The following NELL1 variants were observed in gnomAD, a reference collection of about 807,000 sequenced individuals.
NELL1 encodes the protein protein kinase C-binding protein NELL1.
In NELL1, 76 loss-of-function variants were observed where a neutral mutation model predicts 107.4. That is an observed-to-expected ratio of 0.71 (90% CI 0.59 to 0.86). NELL1 has a LOEUF of 0.86. NELL1 is among the 40% of genes least tolerant of loss of function. The pLI, the probability that NELL1 is intolerant of heterozygous loss-of-function variation, is 0.00. For synonymous variants in NELL1, 353 were observed against 341.2 expected (o/e 1.03, Z -0.38); for missense variants, 1,024 against 1,005.5 (o/e 1.02, Z -0.25).
chr11:20,714,682 C>T (rs1280644885), intron 2 of NELL1, among the ~76,000 whole-genome samples: 1 of 151,982 alleles, frequency 6.6e-6, no homozygotes, highest in Non-Finnish European at 1.5e-5. Context: ...GCCACCACAC[C>T]TGGCTAATGA....
At chr11:20,904,205 T>TAATA (rs952572318) in intron 5 of NELL1, among the ~76,000 whole-genome samples, 1 of 149,802 alleles carries the variant, frequency 6.7e-6, no homozygotes, top group Admixed American at 6.6e-5. Flanking sequence ...ACTTAAAGTA[T>TAATA]AATAAATAAA....
At chr11:21,429,593 A>AT (rs1194624570) in intron 15 of NELL1, among the ~76,000 whole-genome samples, 1 of 152,232 alleles carries the variant, frequency 6.6e-6, no homozygotes, top group African/African-American at 2.4e-5. Flanking sequence ...TTCCAAACCC[A>AT]CACATTCTGA....
intron 12 of NELL1, among the ~76,000 whole-genome samples, chr11:20,991,882 A>G (rs1183582557): frequency 6.6e-6 from 1 of 151,752 alleles, no homozygotes; most frequent in East Asian, 1.9e-4. Context: ...GCATTCTCCC[A>G]GAAGTGTTGT....
intron 14 of NELL1, among the ~76,000 whole-genome samples, chr11:21,311,294 C>T (rs368496000): frequency 4.9e-4 from 75 of 151,994 alleles, no homozygotes; most frequent in African/African-American, 1.5e-3. Flanking sequence ...GTCTTTAAGG[C>T]GATTATTTTG....
At chr11:21,345,496 T>C (rs1456783377) in intron 14 of NELL1, among the ~76,000 whole-genome samples, 2 of 152,208 alleles carry the variant, frequency 1.3e-5, no homozygotes, top group African/African-American at 4.8e-5. Flanking sequence ...CTCCATTTCA[T>C]GAGTGTCAAG....
intron 3 of NELL1, among the ~76,000 whole-genome samples, chr11:20,835,686 T>G (rs1211281010): frequency 6.6e-6 from 1 of 152,234 alleles, no homozygotes; most frequent in African/African-American, 2.4e-5. Context: ...AAACGTTCTT[T>G]TCTTCCTAAA....
In NELL1 at chr11:21,494,674, G is replaced by T. The variant is rs114496742; in HGVS notation, c.1646-39700G>T. On this transcript the variant is annotated intron_variant, in intron 15 of 19. Transcript: ENST00000357134. ...ATATATATGAACCAAGAGACATGAG[G>T]ATGACATGTATCAACAGTAATTTTT... Among the ~76,000 whole-genome samples, 923 of 151,924 alleles carry T rather than the reference G, an allele frequency of 6.1e-3. 15 individuals carry two copies. The highest frequency in any genetic ancestry group is 0.021 in the African/African-American group (880 of 41,490).
chr11:20,820,854 A>ATATC (rs1857734874), intron 3 of NELL1, among the ~76,000 whole-genome samples: 1 of 152,186 alleles, frequency 6.6e-6, no homozygotes, highest in South Asian at 2.1e-4. Context: ...CTGCCATGCT[A>ATATC]TATCCCCATT....
At chr11:21,315,484 G>T in intron 14 of NELL1, among the ~76,000 whole-genome samples, 2 of 152,268 alleles carry the variant, frequency 1.3e-5, no homozygotes, top group Non-Finnish European at 2.9e-5. Context: ...ATTGGATGTG[G>T]CAAACAAGCC....
intron 2 of NELL1, among the ~76,000 whole-genome samples, chr11:20,691,278 C>T (rs1252727314): frequency 1.3e-5 from 2 of 151,356 alleles, no homozygotes; most frequent in South Asian, 2.1e-4. Flanking sequence ...CCTTTATTTC[C>T]TTCTCCTGCC....
At position 21,240,865 on chromosome 11, in the gene NELL1, A is replaced by G. The variant is rs141589789; in HGVS notation, c.1549+11411A>G. On this transcript the variant is annotated intron_variant, in intron 14 of 19. Transcript: ENST00000357134. ...TTTTAAAGTTTGCAGCCCAGTAGACAGTAACTACATCCCTAGAGGCTTAAG... is the reference window on the plus strand; with the variant it reads ...TTTTAAAGTTTGCAGCCCAGTAGACGGTAACTACATCCCTAGAGGCTTAAG... Among the ~76,000 whole-genome samples, 469 of 152,046 alleles carry G rather than the reference A, an allele frequency of 3.1e-3. 1 individual carries two copies. The highest frequency in any genetic ancestry group is 0.011 in the African/African-American group (437 of 41,512).
intron 13 of NELL1, among the ~76,000 whole-genome samples, chr11:21,170,994 T>C (rs1856595510): frequency 1.3e-5 from 2 of 151,834 alleles, no homozygotes; most frequent in Admixed American, 1.3e-4. Context: ...TAACTGTTTT[T>C]AGAGACCATC....
intron 14 of NELL1, among the ~76,000 whole-genome samples, chr11:21,368,006 T>A (rs142452774): frequency 1.3e-5 from 2 of 152,270 alleles, no homozygotes; most frequent in African/African-American, 4.8e-5. Context: ...CATATATGAA[T>A]AATCCGTGCA....
intron 15 of NELL1, among the ~76,000 whole-genome samples, chr11:21,527,218 G>C (rs1171720609): frequency 1.3e-5 from 2 of 152,084 alleles, no homozygotes; most frequent in Non-Finnish European, 1.5e-5. Flanking sequence ...GTTCCCAAAA[G>C]TTCCTAATCT....
chr11:20,697,502 T>C (rs1409896634), intron 2 of NELL1, among the ~76,000 whole-genome samples: 2 of 152,078 alleles, frequency 1.3e-5, no homozygotes. Flanking sequence ...GCTTGTTTTA[T>C]GTAACAAGAT....
intron 15 of NELL1, 75 bp from the exon 16 acceptor site, chr11:21,534,298 GT>G: frequency 6.4e-7 from 1 of 1,552,950 alleles, no homozygotes; most frequent in Non-Finnish European, 8.9e-7. Context: ...ACATGAGCAT[GT>G]TTTAGGCATT....
At chr11:21,268,857 A>T (rs1269955769) in intron 14 of NELL1, among the ~76,000 whole-genome samples, 1 of 152,174 alleles carries the variant, frequency 6.6e-6, no homozygotes, top group African/African-American at 2.4e-5. Flanking sequence ...GTAGACCTGG[A>T]ATTTAAAACA....
intron 2 of NELL1, among the ~76,000 whole-genome samples, chr11:20,710,861 C>T (rs1405413940): frequency 6.6e-6 from 1 of 151,882 alleles, no homozygotes; most frequent in African/African-American, 2.4e-5. Flanking sequence ...TCTATGGTGT[C>T]AGTTGTAATA....
intron 13 of NELL1, among the ~76,000 whole-genome samples, chr11:21,139,721 G>A (rs1236061982): frequency 1.3e-5 from 2 of 152,164 alleles, no homozygotes; most frequent in Non-Finnish European, 2.9e-5. Flanking sequence ...AATATTCAAT[G>A]TCCTGGGTAC....
Sources: gnomAD v4.1 joint callset for allele counts (sites outside exome capture counted in the v4.1 genomes callset) on GRCh38, gnomAD v4.1.1 for gene constraint, MANE v1.5 for transcripts, NCBI Gene and HGNC (gene_info 2026-07-23, HGNC 2026-07-21) for gene names.